PRELID2: variants seen among roughly 807,000 people sequenced by gnomAD.
PRELID2 encodes the protein PRELI domain-containing protein 2.
A neutral mutation model predicts 28.4 loss-of-function variants in PRELID2; 25 were observed. The observed-to-expected ratio is 0.88, with a 90% CI of 0.64 to 1.23. The LOEUF (loss-of-function observed/expected upper bound fraction) is 1.23. Ranked by LOEUF, PRELID2 falls within the 50% of genes most tolerant of loss-of-function variation. The probability of loss-of-function intolerance (pLI) is 0.00; values close to 1 mark genes in which losing one functional copy is unlikely to be tolerated. For missense variants in PRELID2, 201 were observed against 214.4 expected (o/e 0.94, Z 0.39); for synonymous variants, 76 against 71.6 (o/e 1.06, Z -0.31).
intron 1 of PRELID2, among the ~76,000 whole-genome samples, chr5:145,537,369 T>C (rs575047197): frequency 1.3e-5 from 2 of 152,060 alleles, no homozygotes; most frequent in South Asian, 4.1e-4. Flanking sequence ...ATATGGTAGT[T>C]CTATTTTTGA....
chr5:145,391,937 C>T, the PRELID2 span, among the ~76,000 whole-genome samples: 1 of 152,194 alleles, frequency 6.6e-6, no homozygotes. Flanking sequence ...CCACCTCAGC[C>T]TGGATTTCAT....
At chr5:145,494,654 C>T (rs1752295418) in intron 1 of PRELID2, among the ~76,000 whole-genome samples, 1 of 151,984 alleles carries the variant, frequency 6.6e-6, no homozygotes, top group Admixed American at 6.6e-5. Flanking sequence ...GAGAATAGAA[C>T]ATTTTAAGTA....
At chr5:145,556,764 G>T (rs1215170469) in intron 1 of PRELID2, among the ~76,000 whole-genome samples, 1 of 152,044 alleles carries the variant, frequency 6.6e-6, no homozygotes, top group Admixed American at 6.5e-5. Flanking sequence ...ACCCTCACTG[G>T]CCTTCTCCCA....
chr5:145,817,221 A>G (rs1754405121), intron 4 of PRELID2, among the ~76,000 whole-genome samples: 1 of 98,434 alleles, frequency 1.0e-5, no homozygotes, highest in Non-Finnish European at 2.3e-5. Flanking sequence ...ATAAAAAAAA[A>G]TATATATATA....
At chr5:145,340,550 T>C in the PRELID2 span, among the ~76,000 whole-genome samples, 1 of 151,910 alleles carries the variant, frequency 6.6e-6, no homozygotes, top group African/African-American at 2.4e-5. Context: ...GGCAGATCAC[T>C]TGAGCCCAGG....
chr5:145,260,247 C>G, the PRELID2 span, among the ~76,000 whole-genome samples: 2 of 152,100 alleles, frequency 1.3e-5, no homozygotes, highest in Non-Finnish European at 2.9e-5. Context: ...AACCCAGTCC[C>G]AGGTATTTCT....
intron 1 of PRELID2, among the ~76,000 whole-genome samples, chr5:145,504,279 C>T (rs1752387006): frequency 6.6e-6 from 1 of 152,220 alleles, no homozygotes; most frequent in South Asian, 2.1e-4. Flanking sequence ...GGTAATAGAA[C>T]CCACATTCCA....
At position 145,655,675 on chromosome 5, in the gene PRELID2, G is replaced by A. The variant is rs192286653; in HGVS notation, n.70+109256C>T. ...AAGTATTCCCTATTTAATAAATGGT[G>A]CTGGGAAAACTGGCAAGCCATATGT... On this transcript the variant is annotated intron_variant and non_coding_transcript_variant, in intron 1 of 2. Transcript: ENST00000510259. Among the ~76,000 whole-genome samples the A allele has an allele frequency of 3.0e-4, 46 of 152,308 alleles. No homozygotes were observed. The East Asian group carries it at 8.1e-3, about 27-fold the overall frequency.
the PRELID2 span, among the ~76,000 whole-genome samples, chr5:145,375,581 G>A: frequency 2.4e-4 from 37 of 152,266 alleles, no homozygotes; most frequent in African/African-American, 4.6e-4. Flanking sequence ...GAGGAAAGGC[G>A]AAGTCTGCTG....
At chr5:145,459,014 T>G in the PRELID2 span, among the ~76,000 whole-genome samples, 1 of 152,182 alleles carries the variant, frequency 6.6e-6, no homozygotes, top group East Asian at 1.9e-4. Context: ...ATGAAACTCC[T>G]TGGGGAATAA....
the PRELID2 span, among the ~76,000 whole-genome samples, chr5:145,287,831 T>C: frequency 1.3e-5 from 2 of 152,188 alleles, no homozygotes; most frequent in Non-Finnish European, 2.9e-5. Context: ...ACATTACATT[T>C]AGTCATAATG....
chr5:145,607,761 T>TGTCTG (rs1490096282), intron 1 of PRELID2, among the ~76,000 whole-genome samples: 8 of 152,224 alleles, frequency 5.3e-5, no homozygotes, highest in African/African-American at 1.9e-4. Context: ...GTTAGGCCTA[T>TGTCTG]TTGGTCAAAT....
At chr5:145,569,671 AG>A (rs1580980560) in intron 1 of PRELID2, among the ~76,000 whole-genome samples, 1 of 152,374 alleles carries the variant, frequency 6.6e-6, no homozygotes, top group East Asian at 1.9e-4. Context: ...GCTCAGGTTA[AG>A]GGAGAAAGAA....
chr5:145,406,526 A>G, the PRELID2 span, among the ~76,000 whole-genome samples: 1 of 152,196 alleles, frequency 6.6e-6, no homozygotes, highest in Non-Finnish European at 1.5e-5. Context: ...GTGTACAACA[A>G]TGTTGGAAAA....
intron 1 of PRELID2, among the ~76,000 whole-genome samples, chr5:145,494,421 A>T (rs951162156): frequency 1.2e-4 from 19 of 152,202 alleles, no homozygotes; most frequent in African/African-American, 4.1e-4. Flanking sequence ...GCAATATAGG[A>T]TTAATAAAAC....
the PRELID2 span, among the ~76,000 whole-genome samples, chr5:145,246,029 T>C: frequency 2.0e-5 from 3 of 151,978 alleles, no homozygotes; most frequent in Admixed American, 2.0e-4. Context: ...ATGAAACAGA[T>C]CAACTGCACT....
At chr5:145,441,870 C>A in the PRELID2 span, among the ~76,000 whole-genome samples, 3 of 152,118 alleles carry the variant, frequency 2.0e-5, no homozygotes, top group Non-Finnish European at 2.9e-5. Context: ...CCAACCTCCC[C>A]AGAAAGAAGT....
chr5:145,275,615 C>T, the PRELID2 span, among the ~76,000 whole-genome samples: 1 of 152,128 alleles, frequency 6.6e-6, no homozygotes, highest in Non-Finnish European at 1.5e-5. Context: ...AAGCGGATGT[C>T]AGACCATTTG....
At chr5:145,241,290 C>A in the PRELID2 span, among the ~76,000 whole-genome samples, 1 of 151,932 alleles carries the variant, frequency 6.6e-6, no homozygotes, top group Non-Finnish European at 1.5e-5. Context: ...GATTCTCATT[C>A]ATTTCCTTGT....
Sources: gnomAD v4.1 joint callset for allele counts (sites outside exome capture counted in the v4.1 genomes callset) on GRCh38, gnomAD v4.1.1 for gene constraint, MANE v1.5 for transcripts, NCBI Gene and HGNC (gene_info 2026-07-23, HGNC 2026-07-21) for gene names.